The following GPC5 variants were observed in gnomAD, a reference collection of about 807,000 sequenced individuals.
The protein encoded by GPC5 is glypican-5.
In GPC5, 47 loss-of-function variants were observed where a neutral mutation model predicts 53.9. The ratio of observed to expected loss-of-function variants is 0.87; its 90% CI spans 0.69 to 1.11. The LOEUF (loss-of-function observed/expected upper bound fraction) is 1.11, where lower values mean the gene tolerates loss of function less well. Among genes scored for constraint, GPC5 ranks in the 50% most tolerant of loss-of-function variants. The pLI is 0.00. For missense variants in GPC5, 748 were observed against 713.1 expected, an observed-to-expected ratio of 1.05 and a Z score of -0.56; for synonymous variants, 286 against 263.3, an observed-to-expected ratio of 1.09 and a Z score of -0.84.
intron 7 of GPC5, among the ~76,000 whole-genome samples, chr13:92,461,533 G>A (rs1205157611): frequency 6.6e-6 from 1 of 152,228 alleles, no homozygotes. Context: ...TGGATTGAAT[G>A]TTTGTGTCCT....
At chr13:92,095,176 AAGGAATAT>A (rs2041412385) in intron 6 of GPC5, among the ~76,000 whole-genome samples, 1 of 152,200 alleles carries the variant, frequency 6.6e-6, no homozygotes, top group Non-Finnish European at 1.5e-5. Flanking sequence ...AGATAGAGGC[AAGGAATAT>A]ACATTCACAG....
intron 6 of GPC5, among the ~76,000 whole-genome samples, chr13:91,933,905 A>G (rs1478673740): frequency 6.6e-6 from 1 of 151,858 alleles, no homozygotes; most frequent in Non-Finnish European, 1.5e-5. Context: ...CTGTCCTGGT[A>G]GTGTTTTATT....
intron 2 of GPC5, among the ~76,000 whole-genome samples, chr13:91,616,866 C>T (rs914637485): frequency 6.6e-6 from 1 of 152,060 alleles, no homozygotes; most frequent in African/African-American, 2.4e-5. Flanking sequence ...ATAAGCATAT[C>T]TAGAGATGAA....
At chr13:92,670,664 G>T (rs1886714991) in intron 7 of GPC5, among the ~76,000 whole-genome samples, 1 of 152,218 alleles carries the variant, frequency 6.6e-6, no homozygotes, top group Non-Finnish European at 1.5e-5. Context: ...GGTCTAGTTA[G>T]CAAAAACAGA....
chr13:92,852,110 CAG>C (rs1396393761), intron 7 of GPC5, among the ~76,000 whole-genome samples: 2 of 152,082 alleles, frequency 1.3e-5, no homozygotes, highest in African/African-American at 4.8e-5. Flanking sequence ...AACCTGTATG[CAG>C]AGTGAAAGAA....
intron 7 of GPC5, among the ~76,000 whole-genome samples, chr13:92,303,083 C>T (rs1005088965): frequency 4.6e-5 from 7 of 152,138 alleles, no homozygotes; most frequent in Admixed American, 2.0e-4. Context: ...CTAACATTTT[C>T]ATTGTTTTTT....
In GPC5 at chr13:91,756,435, C is replaced by A; in HGVS notation, c.1280+15C>A. On this transcript the variant is annotated intron_variant, in intron 5 of 7. Transcript: ENST00000377067. ...ATAGTAAAAAGGTATTTTATGTGGTCTGTGAAAACCTACTAGTTACATCAT... is the reference window on the plus strand; with the variant it reads ...ATAGTAAAAAGGTATTTTATGTGGTATGTGAAAACCTACTAGTTACATCAT... The A allele has an allele frequency of 6.4e-7, 1 of 1,552,646 alleles. No homozygotes were observed. The highest frequency in any genetic ancestry group is 1.2e-5 in the South Asian group (1 of 84,134).
intron 2 of GPC5, among the ~76,000 whole-genome samples, chr13:91,471,871 A>T (rs1467696875): frequency 6.6e-6 from 1 of 152,098 alleles, no homozygotes; most frequent in East Asian, 1.9e-4. Flanking sequence ...GTCTAGATAG[A>T]TTTAGTTCTC....
At chr13:91,456,662 G>A (rs985630744) in intron 2 of GPC5, among the ~76,000 whole-genome samples, 2 of 151,902 alleles carry the variant, frequency 1.3e-5, no homozygotes, top group African/African-American at 4.8e-5. Context: ...CACTCATTTT[G>A]TAATTCAATA....
chr13:92,070,829 T>G (rs535332793), intron 6 of GPC5, among the ~76,000 whole-genome samples: 23 of 152,212 alleles, frequency 1.5e-4, no homozygotes, highest in Non-Finnish European at 2.6e-4. Flanking sequence ...CTTACTGAGG[T>G]GCAATAACTT....
chr13:92,572,453 C>T (rs749968365), intron 7 of GPC5, among the ~76,000 whole-genome samples: 10 of 152,130 alleles, frequency 6.6e-5, no homozygotes, highest in Non-Finnish European at 1.2e-4. Flanking sequence ...CTGTTTTCAG[C>T]AGGGAAGATG....
At position 92,474,587 on chromosome 13, in the gene GPC5, A is replaced by G. The variant is rs149874567; in HGVS notation, c.1561+329598A>G. On this transcript the variant is annotated intron_variant, in intron 7 of 7. Coordinates refer to ENST00000377067, the MANE Select transcript of GPC5 (RefSeq NM_004466.6). ...CCAAATGGCTTTTAGGGAAATATGT[A>G]TGGTATAATTTTTCAGACAAAGAAT... is the stretch of plus-strand genomic sequence containing the variant. Among the ~76,000 whole-genome samples the G allele has an allele frequency of 5.3e-3, 811 of 151,612 alleles. 7 individuals are homozygous for G. The highest frequency in any genetic ancestry group is 0.019 in the African/African-American group (767 of 41,398).
chr13:91,793,270 A>G (rs1465415814), intron 5 of GPC5, among the ~76,000 whole-genome samples: 1 of 152,130 alleles, frequency 6.6e-6, no homozygotes, highest in East Asian at 1.9e-4. Flanking sequence ...TGTGAGGCTT[A>G]TTCACTATCA....
chr13:91,478,082 C>A (rs1486148612), intron 2 of GPC5, among the ~76,000 whole-genome samples: 2 of 151,336 alleles, frequency 1.3e-5, no homozygotes, highest in East Asian at 1.9e-4. Flanking sequence ...GTTCAGAGAA[C>A]CTTTCATATG....
intron 7 of GPC5, among the ~76,000 whole-genome samples, chr13:92,569,445 A>G (rs1460349499): frequency 6.6e-6 from 1 of 152,104 alleles, no homozygotes; most frequent in African/African-American, 2.4e-5. Flanking sequence ...GCCGGGATCT[A>G]ATTGTACTAG....
chr13:91,711,661 C>T (rs1399952758), intron 3 of GPC5, among the ~76,000 whole-genome samples: 1 of 152,110 alleles, frequency 6.6e-6, no homozygotes, highest in Admixed American at 6.5e-5. Flanking sequence ...TTAAGTAAAG[C>T]ATTTCCAGTA....
intron 7 of GPC5, among the ~76,000 whole-genome samples, chr13:92,305,793 A>G (rs940977906): frequency 5.3e-5 from 8 of 152,206 alleles, no homozygotes; most frequent in African/African-American, 1.7e-4. Flanking sequence ...CCTTTAGACT[A>G]CAAAGTCCAC....
At chr13:91,427,104 G>T (rs144161222) in intron 1 of GPC5, among the ~76,000 whole-genome samples, 1 of 152,188 alleles carries the variant, frequency 6.6e-6, no homozygotes, top group Non-Finnish European at 1.5e-5. Context: ...TGGAGCCCTC[G>T]TGGAGAACCT....
In GPC5 at chr13:91,463,330, A is replaced by G. The variant is rs536873193; in HGVS notation, c.325+14408A>G. Among the ~76,000 whole-genome samples, 12 of 152,258 alleles carry G rather than the reference A, an allele frequency of 7.9e-5. No individual in the cohort carries two copies. The South Asian group carries it at 8.3e-4, about 11-fold the overall frequency. On this transcript the variant is annotated intron_variant, in intron 2 of 7. Transcript: ENST00000377067. ...CTTTTTTTCTGAATATTTTCAGTAC[A>G]TGGTTGGTTGAATCCATGGGTGCAC...
Sources: allele counts gnomAD v4.1 joint callset (sites outside exome capture counted in the v4.1 genomes callset), GRCh38; gene constraint gnomAD v4.1.1; transcripts MANE v1.5; gene names NCBI Gene and HGNC (gene_info 2026-07-23, HGNC 2026-07-21).